The following REL variants were observed in gnomAD, a reference collection of about 807,000 sequenced individuals.
REL encodes REL proto-oncogene, NF-kB subunit, also known as proto-oncogene c-Rel.
In REL, 15 loss-of-function variants were observed where a neutral mutation model predicts 45.9. The observed-to-expected ratio is 0.33, with a 90% confidence interval of 0.22 to 0.50. The LOEUF (loss-of-function observed/expected upper bound fraction) is 0.50, where lower values mean the gene tolerates loss of function less well. Among genes scored for constraint, REL ranks in the 20% least tolerant of loss-of-function variants. The pLI is 0.98. For synonymous variants in REL, 239 were observed against 242.1 expected (o/e 0.99, Z 0.12); for missense variants, 601 against 715.2 (o/e 0.84, Z 1.82).
At chr2:60,898,457 G>A (rs1449454514) in intron 3 of REL, among the ~76,000 whole-genome samples, 1 of 152,120 alleles carries the variant, frequency 6.6e-6, no homozygotes, top group Admixed American at 6.5e-5. Context: ...GTCTTTGTGT[G>A]GCCTGTTCCT....
rs1016724251 is a variant in REL, at chr2:60,901,012, G to A, written c.323G>A (p.Arg108Gln). ...RPLFFQNLGI[R>Q]CVKKKEVKEA... ...GCTAGTTTCCAAAATTTGGGTATTC[G>A]ATGTGTGAAGAAAAAAGAAGTAAAA... The change falls in exon 4 of 10, where the codon CGA (arginine) becomes CAA (glutamine). Residue 108 changes from arginine to glutamine, a missense_variant. This residue lies in a region of REL where 241 missense variants were observed against 347.0 expected (regional missense o/e 0.69). Transcript: ENST00000394479. 3.7e-6 allele frequency: 6 copies of A among 1,609,356 alleles called. No homozygotes were observed. Among genetic ancestry groups the A allele is most frequent in the African/African-American group, 2.7e-5 (2 of 74,576 alleles).
intron 4 of REL, among the ~76,000 whole-genome samples, chr2:60,916,442 G>A (rs920992362): frequency 3.9e-5 from 6 of 152,124 alleles, no homozygotes; most frequent in East Asian, 1.9e-4. Flanking sequence ...TCAGTTCCTC[G>A]TTTGTAAAAT....
intron 4 of REL, among the ~76,000 whole-genome samples, chr2:60,905,076 T>G (rs534017581): frequency 6.6e-6 from 1 of 152,190 alleles, no homozygotes; most frequent in East Asian, 1.9e-4. Flanking sequence ...TATTTATGTT[T>G]CCTGTTGTTG....
chr2:60,888,047 T>A (rs1558786127), intron 1 of REL, among the ~76,000 whole-genome samples: 1 of 151,800 alleles, frequency 6.6e-6, no homozygotes, highest in South Asian at 2.1e-4. Context: ...CTTGCCTCAG[T>A]CTCCCAAGTA....
At chr2:60,899,634 C>T (rs1045669161) in intron 3 of REL, 1 of 152,242 alleles carries the variant, frequency 6.6e-6, no homozygotes, top group Non-Finnish European at 1.5e-5. Context: ...AAGTAGCCTC[C>T]GGTTGCAAGT....
intron 4 of REL, among the ~76,000 whole-genome samples, chr2:60,906,307 T>C (rs1290850950): frequency 1.3e-5 from 2 of 152,154 alleles, no homozygotes; most frequent in East Asian, 3.8e-4. Context: ...CTCAATTCTA[T>C]TCTGTACCTT....
Position 60,923,596 on chromosome 2 carries a change from T to C in REL, c.*1061T>C, listed in dbSNP as rs1674202125. On this transcript the variant is annotated 3_prime_UTR_variant, in exon 10 of 10. Transcript: ENST00000394479. ...TCAGTAAATGGCAATGCCATACTTC[T>C]GGTTGCTCAGGCCAAAAACCCTGAA... is the stretch of plus-strand genomic sequence containing the variant. 1 of 232,780 alleles carries C rather than the reference T, an allele frequency of 4.3e-6. No homozygotes were observed. Among genetic ancestry groups the C allele is most frequent in the South Asian group, 1.8e-4 (1 of 5,528 alleles). 14.4% of individuals were successfully genotyped at this position (232,780 alleles called of 1,614,324 possible).
At position 60,929,294 on chromosome 2, in the gene REL, C is replaced by T. The variant is rs1331826820; in HGVS notation, c.*6759C>T. 1.4e-5 allele frequency: 2 copies of T among 144,914 alleles called. No individual in the cohort carries two copies. The highest frequency in any genetic ancestry group is 1.9e-4 in the East Asian group (1 of 5,144). 9.0% of individuals were successfully genotyped at this position (144,914 alleles called of 1,614,324 possible). ...CTCAGGGATGTAGAACTGGAAATACCGTTTGACCCAGCCATCCCATTACTG... is the reference window on the plus strand; with the variant it reads ...CTCAGGGATGTAGAACTGGAAATACTGTTTGACCCAGCCATCCCATTACTG... On this transcript the variant is annotated 3_prime_UTR_variant, in exon 10 of 10. Transcript: ENST00000394479.
At chr2:60,889,335 T>C (rs1023230763) in intron 1 of REL, among the ~76,000 whole-genome samples, 28 of 152,198 alleles carry the variant, frequency 1.8e-4, no homozygotes, top group African/African-American at 6.5e-4. Flanking sequence ...CCTTCTGTAG[T>C]CTAATAATAT....
At position 60,924,711 on chromosome 2, in the gene REL, G is replaced by A. The variant is rs1674228654; in HGVS notation, c.*2176G>A. 1 of 211,356 alleles carries A rather than the reference G, an allele frequency of 4.7e-6. No individual in the cohort carries two copies. The highest frequency in any genetic ancestry group is 2.3e-5 in the African/African-American group (1 of 44,176). 13.1% of individuals were successfully genotyped at this position (211,356 alleles called of 1,614,324 possible). On this transcript the variant is annotated 3_prime_UTR_variant, in exon 10 of 10. Coordinates refer to ENST00000394479, the MANE Select transcript of REL (RefSeq NM_001291746.2). The stretch of plus-strand genomic sequence containing the variant: ...AAGCTCATTGCAACTTCCAGATTGA[G>A]TAACACTTATAACACATTTCCTTTT...
At chr2:60,890,001 C>G (rs946320434) in intron 1 of REL, among the ~76,000 whole-genome samples, 1 of 152,142 alleles carries the variant, frequency 6.6e-6, no homozygotes, top group Non-Finnish European at 1.5e-5. Flanking sequence ...ATTTCTAGTT[C>G]TAGATCCCTG....
At chr2:60,898,988 C>G (rs1654798589) in intron 3 of REL, 1 of 152,118 alleles carries the variant, frequency 6.6e-6, no homozygotes, top group Admixed American at 6.5e-5. Flanking sequence ...AAATTACCAC[C>G]ACCCCTAATA....
intron 5 of REL, 36 bp from the exon 6 acceptor site, chr2:60,918,155 T>C (rs1225356721): frequency 1.7e-6 from 2 of 1,205,176 alleles, no homozygotes; most frequent in Non-Finnish European, 2.4e-6. Context: ...ATTACTAAGG[T>C]AGCAACTCAT....
At chr2:60,893,297 A>G (rs1165183736) in intron 2 of REL, among the ~76,000 whole-genome samples, 2 of 152,224 alleles carry the variant, frequency 1.3e-5, no homozygotes, top group Non-Finnish European at 2.9e-5. Flanking sequence ...GAATTATAGA[A>G]TAAACCAATG....
At position 60,881,817 on chromosome 2, in the gene REL, C is replaced by A. The variant is rs1413232872; in HGVS notation, c.-24C>A. 3.9e-6 allele frequency: 6 copies of A among 1,524,532 alleles called. No individual in the cohort carries two copies. Among genetic ancestry groups the A allele is most frequent in the Non-Finnish European group, 5.3e-6 (6 of 1,137,066 alleles). 94.4% of individuals were successfully genotyped at this position (1,524,532 alleles called of 1,614,324 possible). On this transcript the variant is annotated 5_prime_UTR_variant, in exon 1 of 10. Coordinates refer to ENST00000394479, the MANE Select transcript of REL (RefSeq NM_001291746.2). ...CGGCCAGGACGCTGGGAGCTGCCTG[C>A]GGGAAGGTGCGGGGAGCGGAGCCAT...
chr2:60,915,996 C>T (rs1673951620), intron 4 of REL, among the ~76,000 whole-genome samples: 1 of 152,110 alleles, frequency 6.6e-6, no homozygotes, highest in African/African-American at 2.4e-5. Flanking sequence ...TTTTTATGTA[C>T]AACACATGTA....
chr2:60,881,600 GC>G lies in REL; in HGVS notation c.-237del. 2.0e-6 allele frequency: 1 copy of G among 502,350 alleles called. No individual in the cohort carries two copies. The highest frequency in any genetic ancestry group is 3.5e-6 in the Non-Finnish European group (1 of 282,574). The allele number at this position is 502,350 out of a possible 1,614,324, so 31.1% of individuals were successfully genotyped here. ...CTCGGCTCTCCCCGCTCCGCCCCCT[GC>G]CCCTGGCTCCCGTACGGTGGACGGC... is the stretch of plus-strand genomic sequence containing the variant. On this transcript the variant is annotated 5_prime_UTR_variant, in exon 1 of 10. Transcript: ENST00000394479.
intron 1 of REL, among the ~76,000 whole-genome samples, chr2:60,889,471 T>A (rs1473892226): frequency 6.6e-6 from 1 of 152,216 alleles, no homozygotes; most frequent in Non-Finnish European, 1.5e-5. Context: ...TTTTATTTTT[T>A]ATTTTTTTAC....
In REL at chr2:60,901,087, A is replaced by C. The variant is rs1435196451; in HGVS notation, c.394+4A>C. On this transcript the variant is annotated splice_donor_region_variant and intron_variant, in intron 4 of 9. Coordinates refer to ENST00000394479, the MANE Select transcript of REL (RefSeq NM_001291746.2). ...GCAGGAATCAATCCATTCAATGGTAAGTATGTTTGATAAAATCATTTCTAT... is the reference window on the plus strand; with the variant it reads ...GCAGGAATCAATCCATTCAATGGTACGTATGTTTGATAAAATCATTTCTAT... 5.7e-6 allele frequency: 9 copies of C among 1,566,866 alleles called. No individual in the cohort carries two copies. Among genetic ancestry groups the C allele is most frequent in the Non-Finnish European group, 7.7e-6 (9 of 1,163,300 alleles).
Sources: gnomAD v4.1 joint callset for allele counts (sites outside exome capture counted in the v4.1 genomes callset) on GRCh38, gnomAD v4.1.1 for gene constraint, gnomAD v4.1.1 regional missense constraint, MANE v1.5 for transcripts, NCBI Gene and HGNC (gene_info 2026-07-23, HGNC 2026-07-21) for gene names.